Variants in SORCS2 observed in about 807,000 individuals in gnomAD.
SORCS2 encodes VPS10 domain-containing receptor SorCS2.
A neutral mutation model predicts 141.6 loss-of-function variants in SORCS2; 100 were observed. That is an observed-to-expected ratio of 0.71 (90% confidence interval 0.60 to 0.83). The LOEUF (loss-of-function observed/expected upper bound fraction) is 0.83, where lower values mean the gene tolerates loss of function less well. Among genes scored for constraint, SORCS2 ranks in the 40% least tolerant of loss-of-function variants. SORCS2 has a pLI of 0.00. For missense variants in SORCS2, 1,646 were observed against 1,560.2 expected (o/e 1.05, Z -0.93); for synonymous variants, 789 against 676.9 (o/e 1.17, Z -2.57).
intron 3 of SORCS2, among the ~76,000 whole-genome samples, chr4:7,538,400 C>T (rs1340451346): frequency 6.6e-6 from 1 of 152,216 alleles, no homozygotes; most frequent in Non-Finnish European, 1.5e-5. Flanking sequence ...AGATCAGCTT[C>T]GGGCCGACAG....
At chr4:7,246,935 G>T (rs899213133) in intron 1 of SORCS2, among the ~76,000 whole-genome samples, 1 of 152,172 alleles carries the variant, frequency 6.6e-6, no homozygotes, top group Non-Finnish European at 1.5e-5. Flanking sequence ...GGCTCTACCC[G>T]CTTGCCTCCT....
chr4:7,736,659 C>G (rs369281035), intron 25 of SORCS2, among the ~76,000 whole-genome samples: 1 of 152,216 alleles, frequency 6.6e-6, no homozygotes, highest in African/African-American at 2.4e-5. Flanking sequence ...CAGCAAGTGC[C>G]TCTCAGAGCT....
chr4:7,465,246 T>C (rs778465809), intron 2 of SORCS2, among the ~76,000 whole-genome samples: 32 of 152,378 alleles, frequency 2.1e-4, no homozygotes, highest in Non-Finnish European at 4.1e-4. Context: ...CCTCAGGAGC[T>C]GCCAGGGCAT....
intron 2 of SORCS2, among the ~76,000 whole-genome samples, chr4:7,502,910 A>G (rs1732061006): frequency 1.3e-5 from 2 of 152,230 alleles, no homozygotes; most frequent in East Asian, 1.9e-4. Context: ...TCAGTGACCC[A>G]GGGAAAGTGG....
chr4:7,326,080 A>G (rs1050720118), intron 1 of SORCS2, among the ~76,000 whole-genome samples: 3 of 151,966 alleles, frequency 2.0e-5, no homozygotes, highest in African/African-American at 7.3e-5. Context: ...GGATGGAGAG[A>G]TCAGCATTTA....
intron 2 of SORCS2, among the ~76,000 whole-genome samples, chr4:7,403,979 ATATATATATATATATATAT>A (rs1332092955): frequency 1.1e-4 from 2 of 17,884 alleles, no homozygotes; most frequent in Non-Finnish European, 2.5e-4. Flanking sequence ...ATATATATAT[ATATATATATATATATATAT>A]TTTTTTTTTT....
At chr4:7,714,437 G>A (rs1020046272) in intron 16 of SORCS2, 64 bp downstream of exon 16, 14 of 1,511,032 alleles carry the variant, frequency 9.3e-6, no homozygotes, top group Non-Finnish European at 1.2e-5. Flanking sequence ...CAGCATGGCG[G>A]CCACTTCCCT....
At chr4:7,350,159 C>T (rs573097496) in intron 1 of SORCS2, among the ~76,000 whole-genome samples, 2 of 152,330 alleles carry the variant, frequency 1.3e-5, no homozygotes, top group South Asian at 4.1e-4. Context: ...AAGCACAACC[C>T]ACCCCATGGC....
At chr4:7,376,638 C>G (rs911491437) in intron 1 of SORCS2, among the ~76,000 whole-genome samples, 1 of 152,198 alleles carries the variant, frequency 6.6e-6, no homozygotes, top group Non-Finnish European at 1.5e-5. Flanking sequence ...TATTTTCTCA[C>G]TCAGGCATAT....
intron 1 of SORCS2, among the ~76,000 whole-genome samples, chr4:7,203,129 C>A (rs1727562031): frequency 6.6e-6 from 1 of 152,208 alleles, no homozygotes; most frequent in African/African-American, 2.4e-5. Flanking sequence ...AGCCTGAGTT[C>A]TTTTTAAAAT....
intron 3 of SORCS2, among the ~76,000 whole-genome samples, chr4:7,594,158 C>T (rs7657587): frequency 0.019 from 2,890 of 152,232 alleles, 94 homozygotes; most frequent in African/African-American, 0.065. Context: ...GCTGTCAGGG[C>T]GAGAGCTGGT....
At position 7,264,933 on chromosome 4, in the gene SORCS2, C is replaced by T. The variant is rs574011073; in HGVS notation, c.480+71807C>T. 5.3e-5 allele frequency among the ~76,000 whole-genome samples: 8 copies of T among 152,336 alleles called. No individual in the cohort carries two copies. In the South Asian group the frequency reaches 6.2e-4, roughly 12 times the overall value. ...AAGCTGCTCATTCCCCTGCGGTGCC[C>T]GCCTCATGCCATCATTCCCGCCTGG... is the stretch of plus-strand genomic sequence containing the variant. On this transcript the variant is annotated intron_variant, in intron 1 of 26. Coordinates refer to ENST00000507866, the MANE Select transcript of SORCS2 (RefSeq NM_020777.3).
At chr4:7,215,287 AG>A (rs1197533199) in intron 1 of SORCS2, among the ~76,000 whole-genome samples, 1 of 152,120 alleles carries the variant, frequency 6.6e-6, no homozygotes, top group Non-Finnish European at 1.5e-5. Flanking sequence ...GCGGCTGTGG[AG>A]GGTGTACTGG....
intron 3 of SORCS2, among the ~76,000 whole-genome samples, chr4:7,560,027 C>T (rs573302340): frequency 1.1e-4 from 16 of 152,260 alleles, no homozygotes; most frequent in Non-Finnish European, 2.2e-4. Flanking sequence ...GAATTAAAGG[C>T]GGGGAGGCTT....
At chr4:7,334,985 A>G (rs1321227423) in intron 1 of SORCS2, among the ~76,000 whole-genome samples, 1 of 151,964 alleles carries the variant, frequency 6.6e-6, no homozygotes, top group Non-Finnish European at 1.5e-5. Context: ...AATAAAGCTA[A>G]AGGGATGGAC....
chr4:7,510,651 C>G (rs1303334313), intron 2 of SORCS2, among the ~76,000 whole-genome samples: 2 of 150,586 alleles, frequency 1.3e-5, no homozygotes, highest in Non-Finnish European at 3.0e-5. Context: ...GTTCTGGGTG[C>G]GGCATGTCCT....
rs192028632 is a variant in SORCS2, at chr4:7,213,420, G to A, written c.480+20294G>A. Among the ~76,000 whole-genome samples the A allele has an allele frequency of 3.6e-3, 555 of 152,338 alleles. 4 individuals carry two copies. The highest frequency in any genetic ancestry group is 5.4e-3 in the Non-Finnish European group (369 of 68,026). ...GATGGCCCTATCACATGGTGTTGTG[G>A]ACTGAAGGCAGTCAGGGAAATGGTG... is the stretch of plus-strand genomic sequence containing the variant. On this transcript the variant is annotated intron_variant, in intron 1 of 26. Transcript: ENST00000507866.
In SORCS2 at chr4:7,272,042, G is replaced by A. The variant is rs138677979; in HGVS notation, c.480+78916G>A. Reference sequence around the variant, plus strand: ...TGTGTGCACACTCACATGCTTGGGCGGGGTAACGTGGATGGGGTTTCCAAT... The same window carrying A: ...TGTGTGCACACTCACATGCTTGGGCAGGGTAACGTGGATGGGGTTTCCAAT... On this transcript the variant is annotated intron_variant, in intron 1 of 26. Coordinates refer to ENST00000507866, the MANE Select transcript of SORCS2 (RefSeq NM_020777.3). Among the ~76,000 whole-genome samples, 93 of 152,320 alleles carry A rather than the reference G, an allele frequency of 6.1e-4. No homozygotes were observed. The East Asian group carries it at 0.016, about 26-fold the overall frequency.
chr4:7,617,850 C>T (rs999962778), intron 3 of SORCS2, among the ~76,000 whole-genome samples: 2 of 152,140 alleles, frequency 1.3e-5, no homozygotes, highest in South Asian at 2.1e-4. Flanking sequence ...AAGAAGTGTG[C>T]TTCCTCTGAG....
Sources: allele counts gnomAD v4.1 joint callset (sites outside exome capture counted in the v4.1 genomes callset), GRCh38; gene constraint gnomAD v4.1.1; transcripts MANE v1.5; gene names NCBI Gene and HGNC (gene_info 2026-07-23, HGNC 2026-07-21).